SEPHS1: variants seen among roughly 807,000 people sequenced by gnomAD.
SEPHS1 encodes the protein zincore component SEPHS1.
In SEPHS1, 7 loss-of-function variants were observed where a neutral mutation model predicts 39.2. That is an observed-to-expected ratio of 0.18 (90% confidence interval 0.10 to 0.34). SEPHS1 has a LOEUF of 0.34. Ranked by LOEUF, SEPHS1 falls within the 10% of genes least tolerant of loss-of-function variation. SEPHS1 has a pLI of 1.00. For missense variants in SEPHS1, 253 were observed against 514.5 expected (o/e 0.49, Z 4.92); for synonymous variants, 190 against 195.5 (o/e 0.97, Z 0.23).
chr10:13,345,980 T>C (rs1476595659), intron 1 of SEPHS1, among the ~76,000 whole-genome samples: 1 of 152,278 alleles, frequency 6.6e-6, no homozygotes, highest in Admixed American at 6.5e-5. Context: ...GTAAGGTCTG[T>C]GTTCTTCAGG....
At chr10:13,343,892 A>G (rs982970205) in intron 2 of SEPHS1, among the ~76,000 whole-genome samples, 1 of 152,200 alleles carries the variant, frequency 6.6e-6, no homozygotes, top group Admixed American at 6.5e-5. Flanking sequence ...CGTCGAACAC[A>G]AGAAAAGTGA....
chr10:13,318,520 TTTC>T lies in SEPHS1; in HGVS notation c.*619_*621del, dbSNP rs1043443701. 1.3e-5 allele frequency: 2 copies of T among 152,578 alleles called. No homozygotes were observed. The highest frequency in any genetic ancestry group is 4.8e-5 in the African/African-American group (2 of 41,420). The allele number at this position is 152,578 out of a possible 1,614,324, so 9.5% of individuals were successfully genotyped here. On this transcript the variant is annotated 3_prime_UTR_variant, in exon 9 of 9. Coordinates refer to ENST00000327347, the MANE Select transcript of SEPHS1 (RefSeq NM_012247.5). ...GAAGGCTACAAAAAAAGAAATAAGA[TTTC>T]TTTTTTGTCTTCAAAGTGTTTTCCA...
chr10:13,323,817 C>A (rs10737069), intron 7 of SEPHS1, among the ~76,000 whole-genome samples: 67,287 of 151,044 alleles, frequency 0.45, 16,755 homozygotes, highest in East Asian at 0.77. Context: ...TCATAACTCA[C>A]TGCACTTGGG....
rs148022208 is a variant in SEPHS1, at chr10:13,319,343, G to A, written c.978C>T (p.Ile326=). Residue 326 remains isoleucine, a synonymous_variant, in exon 9 of 9, where the codon ATC becomes ATT. Transcript: ENST00000327347. The part of the protein sequence containing the change: ...TCPETSGGLL[I]CLPREQAARF... ...GAGCTGCTTGCTCACGTGGTAAACA[G>A]ATCAGAAGGCCGCCTGGCAAAAGAA... The A allele has an allele frequency of 8.7e-6, 14 of 1,612,386 alleles. No individual in the cohort carries two copies. The African/African-American group carries it at 1.3e-4, about 15-fold the overall frequency.
At chr10:13,326,890 T>C (rs1002011038) in intron 7 of SEPHS1, among the ~76,000 whole-genome samples, 2 of 152,142 alleles carry the variant, frequency 1.3e-5, no homozygotes, top group Non-Finnish European at 2.9e-5. Flanking sequence ...AAATGAATTG[T>C]AAAACAATAG....
chr10:13,341,174 A>G lies in SEPHS1; in HGVS notation c.194-2366T>C, dbSNP rs114349299. 5.4e-3 allele frequency among the ~76,000 whole-genome samples: 829 copies of G among 152,228 alleles called. 7 individuals carry two copies. The highest frequency in any genetic ancestry group is 0.019 in the African/African-American group (780 of 41,536). ...GTTTAGAAATCACCAATCACATTTC[A>G]AGGAAGGAAGAGAGAAGGGGTGAGC... On this transcript the variant is annotated intron_variant, in intron 2 of 8. Coordinates refer to ENST00000327347, the MANE Select transcript of SEPHS1 (RefSeq NM_012247.5).
At chr10:13,325,556 G>A (rs1013181782) in intron 7 of SEPHS1, among the ~76,000 whole-genome samples, 3 of 152,140 alleles carry the variant, frequency 2.0e-5, no homozygotes, top group Non-Finnish European at 2.9e-5. Context: ...TGCCACGACT[G>A]TAAGTTTCCT....
intron 6 of SEPHS1, among the ~76,000 whole-genome samples, chr10:13,329,378 A>G (rs1281679476): frequency 6.6e-6 from 1 of 152,168 alleles, no homozygotes; most frequent in Non-Finnish European, 1.5e-5. Context: ...TCTCCTTCAT[A>G]TTATTTCTTA....
chr10:13,332,474 A>G (rs1029850239), intron 5 of SEPHS1, among the ~76,000 whole-genome samples: 3 of 152,192 alleles, frequency 2.0e-5, no homozygotes, highest in Non-Finnish European at 4.4e-5. Context: ...CTAAAAACCA[A>G]CACATTGTGT....
At chr10:13,334,778 G>C (rs186829551) in intron 4 of SEPHS1, among the ~76,000 whole-genome samples, 1 of 152,352 alleles carries the variant, frequency 6.6e-6, no homozygotes, top group Admixed American at 6.5e-5. Flanking sequence ...AATGCTGGAA[G>C]ATGTTCTAGA....
At chr10:13,321,632 A>AG (rs1481616621) in intron 8 of SEPHS1, among the ~76,000 whole-genome samples, 11 of 152,324 alleles carry the variant, frequency 7.2e-5, no homozygotes, top group Non-Finnish European at 1.2e-4. Context: ...ACCGAAAAAA[A>AG]GGGAAAAACA....
chr10:13,320,687 T>A (rs551427910), intron 8 of SEPHS1, among the ~76,000 whole-genome samples: 1 of 151,792 alleles, frequency 6.6e-6, no homozygotes, highest in Non-Finnish European at 1.5e-5. Context: ...CTAAATTAGC[T>A]GGGCATGATG....
At chr10:13,332,356 G>A (rs1250044422) in intron 5 of SEPHS1, among the ~76,000 whole-genome samples, 1 of 152,210 alleles carries the variant, frequency 6.6e-6, no homozygotes, top group Non-Finnish European at 1.5e-5. Flanking sequence ...TTGGTTGCCA[G>A]AGGATGGGAG....
intron 3 of SEPHS1, among the ~76,000 whole-genome samples, chr10:13,338,312 A>G (rs1833697925): frequency 6.6e-6 from 1 of 152,244 alleles, no homozygotes; most frequent in African/African-American, 2.4e-5. Flanking sequence ...GTCCTATTAC[A>G]GAGGACAGTA....
intron 4 of SEPHS1, among the ~76,000 whole-genome samples, 190 bp from the exon 5 acceptor site, chr10:13,334,161 T>TC (rs1164808975): frequency 3.3e-5 from 5 of 150,604 alleles, no homozygotes; most frequent in Non-Finnish European, 7.4e-5. Flanking sequence ...ACTTTGGGAG[T>TC]CCGAGGTGGG....
At chr10:13,334,121 G>C (rs1340092590) in intron 4 of SEPHS1, 150 bp from the exon 5 acceptor site, 2 of 693,290 alleles carry the variant, frequency 2.9e-6, no homozygotes, top group East Asian at 5.4e-5. Context: ...TTAGGGGCCA[G>C]GCATAATCGC....
In SEPHS1 at chr10:13,317,803, AGC is replaced by A. The variant is rs1320256755; in HGVS notation, c.*1337_*1338del. ...CACGAAGATGGGCACTTGAGGATCC[AGC>A]GCCCTTGTGCTTAATGACAGGAATC... On this transcript the variant is annotated 3_prime_UTR_variant, in exon 9 of 9. Coordinates refer to ENST00000327347, the MANE Select transcript of SEPHS1 (RefSeq NM_012247.5). 2 of 152,212 alleles carry A rather than the reference AGC, an allele frequency of 1.3e-5. No individual in the cohort carries two copies. Among genetic ancestry groups the A allele is most frequent in the African/African-American group, 4.8e-5 (2 of 41,454 alleles). The allele number at this position is 152,212 out of a possible 1,614,324, so 9.4% of individuals were successfully genotyped here.
intron 7 of SEPHS1, among the ~76,000 whole-genome samples, chr10:13,326,318 A>G (rs956049668): frequency 2.0e-5 from 3 of 152,020 alleles, no homozygotes; most frequent in East Asian, 1.9e-4. Context: ...TACTAAAAAT[A>G]CAAAAATTAG....
chr10:13,321,352 T>G (rs1833108869), intron 8 of SEPHS1, among the ~76,000 whole-genome samples: 1 of 152,070 alleles, frequency 6.6e-6, no homozygotes, highest in African/African-American at 2.4e-5. Flanking sequence ...GTTCAAGCGA[T>G]TCTCCTGCCT....
Sources: allele counts gnomAD v4.1 joint callset (sites outside exome capture counted in the v4.1 genomes callset), GRCh38; gene constraint gnomAD v4.1.1; transcripts MANE v1.5; gene names NCBI Gene and HGNC (gene_info 2026-07-23, HGNC 2026-07-21).